Variants in MRTFA observed in about 807,000 individuals in gnomAD.
The protein encoded by MRTFA is myocardin related transcription factor A, also known as myocardin-related transcription factor A.
MRTFA carries 20 observed loss-of-function variants against 83.5 expected under a neutral mutation model. The observed-to-expected ratio is 0.24, with a 90% CI of 0.17 to 0.35. MRTFA has a LOEUF of 0.35. MRTFA is among the 10% of genes least tolerant of loss of function. MRTFA has a pLI of 1.00. For synonymous variants in MRTFA, 659 were observed against 541.2 expected (o/e 1.22, Z -3.02); for missense variants, 1,200 against 1,224.7 (o/e 0.98, Z 0.30).
chr22:40,456,153 C>T (rs920708035), intron 4 of MRTFA, among the ~76,000 whole-genome samples: 5 of 152,024 alleles, frequency 3.3e-5, no homozygotes, highest in African/African-American at 7.3e-5. Context: ...TAACCCCTTC[C>T]GGTCTTATTA....
At chr22:40,596,162 C>T (rs1309819940) in intron 1 of MRTFA, among the ~76,000 whole-genome samples, 3 of 151,538 alleles carry the variant, frequency 2.0e-5, no homozygotes, top group South Asian at 2.1e-4. Context: ...TTTTCCCTGG[C>T]GGGTAACATT....
intron 3 of MRTFA, among the ~76,000 whole-genome samples, chr22:40,476,663 G>A (rs2054001757): frequency 6.6e-6 from 1 of 151,994 alleles, no homozygotes; most frequent in African/African-American, 2.4e-5. Flanking sequence ...CTGTTGCCCA[G>A]GCTAGTCTTG....
intron 1 of MRTFA, among the ~76,000 whole-genome samples, chr22:40,635,307 G>A (rs1268810420): frequency 2.0e-5 from 3 of 151,090 alleles, no homozygotes; most frequent in Admixed American, 6.6e-5. Context: ...GGGGTCTTCT[G>A]AAGTAAAACA....
At chr22:40,598,863 C>T (rs549073727) in intron 1 of MRTFA, among the ~76,000 whole-genome samples, 3 of 151,494 alleles carry the variant, frequency 2.0e-5, no homozygotes, top group South Asian at 2.1e-4. Flanking sequence ...TGGCAGTGCA[C>T]GCCTATAATC....
chr22:40,442,358 A>G (rs529104821), intron 4 of MRTFA, among the ~76,000 whole-genome samples: 2 of 152,252 alleles, frequency 1.3e-5, no homozygotes, highest in Non-Finnish European at 2.9e-5. Context: ...CTGGAGTGCC[A>G]CAGTCCAAGC....
chr22:40,527,724 A>C (rs1479608086), intron 3 of MRTFA, among the ~76,000 whole-genome samples: 1 of 149,530 alleles, frequency 6.7e-6, no homozygotes, highest in African/African-American at 2.5e-5. Flanking sequence ...GCATCACTGC[A>C]CTCCAGCCTG....
chr22:40,612,582 TG>T (rs2147416007), intron 1 of MRTFA, among the ~76,000 whole-genome samples: 1 of 152,302 alleles, frequency 6.6e-6, no homozygotes, highest in South Asian at 2.1e-4. Context: ...GCACACATTT[TG>T]AGTGTACAGT....
chr22:40,410,345 C>CACTGGTTTTG lies in MRTFA; in HGVS notation c.*1035_*1044dup. ...CACACCTTCCCCATCTTTGTCCCAG[C>CACTGGTTTTG]ACTGGTTTTGGTGACTCCACCCCTA... is the stretch of plus-strand genomic sequence containing the variant. On this transcript the variant is annotated 3_prime_UTR_variant, in exon 15 of 15. Transcript: ENST00000355630. 6.5e-6 allele frequency: 2 copies of CACTGGTTTTG among 309,212 alleles called. No individual in the cohort carries two copies. The highest frequency in any genetic ancestry group is 1.1e-5 in the Non-Finnish European group (2 of 187,978). The allele number at this position is 309,212 out of a possible 1,614,324, so 19.2% of individuals were successfully genotyped here. A position where few individuals can be genotyped will look rare whatever the true frequency, so the allele number is the denominator to read the frequency against.
chr22:40,625,571 A>C (rs2056572903), intron 1 of MRTFA, among the ~76,000 whole-genome samples: 1 of 152,148 alleles, frequency 6.6e-6, no homozygotes, highest in African/African-American at 2.4e-5. Context: ...TGAGGTCAGG[A>C]GTTTGAGACC....
intron 1 of MRTFA, among the ~76,000 whole-genome samples, chr22:40,597,059 C>T (rs189294055): frequency 6.6e-6 from 1 of 152,140 alleles, no homozygotes; most frequent in Non-Finnish European, 1.5e-5. Flanking sequence ...TCTGTTAACA[C>T]AGTTAAAACA....
intron 3 of MRTFA, among the ~76,000 whole-genome samples, chr22:40,527,016 C>T (rs2054987283): frequency 6.6e-6 from 1 of 151,890 alleles, no homozygotes; most frequent in South Asian, 2.1e-4. Context: ...GGTCCAGCTA[C>T]TCGGGAGGCT....
intron 2 of MRTFA, among the ~76,000 whole-genome samples, chr22:40,564,518 T>C (rs2055673837): frequency 6.6e-6 from 1 of 152,212 alleles, no homozygotes; most frequent in Non-Finnish European, 1.5e-5. Flanking sequence ...CTCTGGATCT[T>C]GGACCATCCC....
At position 40,435,502 on chromosome 22, in the gene MRTFA, G is replaced by A; in HGVS notation, c.360C>T (p.Ala120=). Residue 120 remains alanine (A), a synonymous_variant, in exon 5 of 15, where the codon GCC becomes GCT. Transcript: ENST00000355630. ...AGGGGGAAAAAAGGTACCTTACCCTGGCCCGCTCCAAGCTCCTTCTCTGCT... is the reference window on the plus strand; with the variant it reads ...AGGGGGAAAAAAGGTACCTTACCCTAGCCCGCTCCAAGCTCCTTCTCTGCT... 6.2e-7 allele frequency: 1 copy of A among 1,614,172 alleles called. No homozygotes were observed.
At position 40,419,229 on chromosome 22, in the gene MRTFA, A is replaced by G. The variant is rs1407929935; in HGVS notation, c.1509T>C (p.Ala503=). ...CTGGGAAGGCTACCACCACCTCGCC[A>G]GCCTTGTGCAGGATAGAGGTGGCGG... Residue 503 remains alanine, a synonymous_variant, in exon 12 of 15, where the codon GCT becomes GCC. Transcript: ENST00000355630. 1 of 1,608,376 alleles carries G rather than the reference A, an allele frequency of 6.2e-7. No homozygotes were observed.
At chr22:40,500,405 ATTTT>A (rs2054445478) in intron 3 of MRTFA, among the ~76,000 whole-genome samples, 3 of 92,460 alleles carry the variant, frequency 3.2e-5, no homozygotes, top group African/African-American at 1.3e-4. Flanking sequence ...TTTTTAATTT[ATTTT>A]TTTATTGATA....
At chr22:40,505,476 T>TAA (rs1271470636) in intron 3 of MRTFA, among the ~76,000 whole-genome samples, 1 of 152,244 alleles carries the variant, frequency 6.6e-6, no homozygotes, top group Non-Finnish European at 1.5e-5. Context: ...CATAACTACT[T>TAA]AAAGTGCCCG....
chr22:40,552,111 T>G lies in MRTFA; in HGVS notation c.236A>C (p.Lys79Thr). Reference sequence around the variant, plus strand: ...ATAATTCTGTATCTACTCACCATTCTTCCGCTCACTAAGTGGAGGCAAATT... The same window carrying G: ...ATAATTCTGTATCTACTCACCATTCGTCCGCTCACTAAGTGGAGGCAAATT... The change falls in exon 3 of 15, where the codon AAG (lysine) becomes ACG (threonine). Residue 79 changes from lysine to threonine, a missense_variant. Lys to Thr is a moderately conservative substitution (Grantham distance 78). This residue lies in a region of MRTFA where 93 missense variants were observed against 182.9 expected (regional missense o/e 0.51). Transcript: ENST00000355630. 2.5e-6 allele frequency: 1 copy of G among 398,856 alleles called. No homozygotes were observed. Among genetic ancestry groups the G allele is most frequent in the Non-Finnish European group, 4.4e-6 (1 of 225,988 alleles). 24.7% of individuals were successfully genotyped at this position (398,856 alleles called of 1,614,324 possible). A position where few individuals can be genotyped will look rare whatever the true frequency, so the allele number is the denominator to read the frequency against.
At chr22:40,423,862 A>T (rs1241085468) in intron 8 of MRTFA, among the ~76,000 whole-genome samples, 177 bp from the exon 9 acceptor site, 1 of 152,158 alleles carries the variant, frequency 6.6e-6, no homozygotes, top group Non-Finnish European at 1.5e-5. Flanking sequence ...GGAGCTAGGA[A>T]AGAGAGAAGG....
chr22:40,473,611 T>G (rs1443562767), intron 3 of MRTFA, among the ~76,000 whole-genome samples: 1 of 152,192 alleles, frequency 6.6e-6, no homozygotes, highest in African/African-American at 2.4e-5. Flanking sequence ...AAATGCAACT[T>G]AATTCAGCAA....
Sources: allele counts gnomAD v4.1 joint callset (sites outside exome capture counted in the v4.1 genomes callset), GRCh38; gene constraint gnomAD v4.1.1; regional missense constraint gnomAD v4.1.1; transcripts MANE v1.5; gene names NCBI Gene and HGNC (gene_info 2026-07-23, HGNC 2026-07-21).